The following ZNF518A variants were observed in gnomAD, a reference collection of about 807,000 sequenced individuals.
ZNF518A encodes the protein zinc finger protein 518.
Under a neutral mutation model 102.7 loss-of-function variants are expected in ZNF518A, and 47 were observed. The observed-to-expected ratio is 0.46, with a 90% confidence interval of 0.36 to 0.58. The LOEUF (loss-of-function observed/expected upper bound fraction) is 0.58, where lower values mean the gene tolerates loss of function less well. ZNF518A is among the 20% of genes least tolerant of loss of function. The pLI is 0.00. For synonymous variants in ZNF518A, 652 were observed against 594.6 expected, an observed-to-expected ratio of 1.10 and a Z score of -1.40; for missense variants, 1,793 against 1,699.8, an observed-to-expected ratio of 1.05 and a Z score of -0.96.
intron 1 of ZNF518A, among the ~76,000 whole-genome samples, chr10:96,180,956 C>T (rs2083236571): frequency 6.6e-6 from 1 of 152,206 alleles, no homozygotes; most frequent in African/African-American, 2.4e-5. Flanking sequence ...TTTACACTCC[C>T]ACCAACAGTG....
chr10:96,186,359 C>A (rs1479070923), intron 1 of ZNF518A, among the ~76,000 whole-genome samples: 4 of 152,164 alleles, frequency 2.6e-5, no homozygotes, highest in African/African-American at 9.7e-5. Context: ...AATGAACCAG[C>A]TTTTACAATT....
chr10:96,191,965 T>C (rs949259126), intron 1 of ZNF518A: 7 of 1,613,642 alleles, frequency 4.3e-6, no homozygotes, highest in Non-Finnish European at 5.1e-6. Flanking sequence ...GATCTTTTTT[T>C]TCCCCCTTTA....
intron 1 of ZNF518A, among the ~76,000 whole-genome samples, chr10:96,186,037 G>T (rs1554892528): frequency 1.3e-5 from 2 of 152,222 alleles, no homozygotes; most frequent in Non-Finnish European, 2.9e-5. Context: ...CCAGGCGCCG[G>T]ATATAATCTC....
In ZNF518A at chr10:96,162,281, A is replaced by G. The variant is rs2083029679; in HGVS notation, c.*1507A>G. On this transcript the variant is annotated 3_prime_UTR_variant, in exon 6 of 6. Transcript: ENST00000316045. ...AAACTGGTTGTTTAATTTAAAAGGA[A>G]TATATAAGACTTTACCCATGTTATT... 6.0e-6 allele frequency: 1 copy of G among 166,844 alleles called. No individual in the cohort carries two copies. Among genetic ancestry groups the G allele is most frequent in the African/African-American group, 2.4e-5 (1 of 41,456 alleles). 10.3% of individuals were successfully genotyped at this position (166,844 alleles called of 1,614,324 possible).
In ZNF518A at chr10:96,160,505, C is replaced by T. The variant is rs1365480100; in HGVS notation, c.4183C>T (p.Pro1395Ser). The T allele has an allele frequency of 6.2e-7, 1 of 1,612,764 alleles. No individual in the cohort carries two copies. The highest frequency in any genetic ancestry group is 1.1e-5 in the South Asian group (1 of 90,882). Residue 1395 changes from proline to serine, a missense_variant, in exon 6 of 6, where the codon CCT becomes TCT. Physicochemically the swap from Pro to Ser is moderately conservative, Grantham distance 74. This residue lies in a region of ZNF518A where 1,741 missense variants were observed against 1,622.6 expected (regional missense o/e 1.07). Transcript: ENST00000316045. Reference protein sequence around the residue: ...NALLKPVCYNPPKTTYDDFSK... With the variant: ...NALLKPVCYNSPKTTYDDFSK... ...TTTACTGAAACCAGTTTGTTATAACCCTCCTAAAACAACTTATGATGATTT... is the reference window on the plus strand; with the variant it reads ...TTTACTGAAACCAGTTTGTTATAACTCTCCTAAAACAACTTATGATGATTT...
chr10:96,183,235 C>T (rs1156777082), intron 1 of ZNF518A, among the ~76,000 whole-genome samples: 1 of 152,060 alleles, frequency 6.6e-6, no homozygotes. Context: ...TGCTAGTGTT[C>T]TATCAATTTT....
chr10:96,149,355 T>G (rs1298652370), intron 3 of ZNF518A, among the ~76,000 whole-genome samples: 6 of 152,190 alleles, frequency 3.9e-5, no homozygotes, highest in African/African-American at 1.4e-4. Flanking sequence ...GGTCGTTTAA[T>G]CCTCTTGGTT....
intron 1 of ZNF518A, among the ~76,000 whole-genome samples, chr10:96,174,236 G>A (rs1426363906): frequency 6.6e-6 from 1 of 151,734 alleles, no homozygotes; most frequent in African/African-American, 2.4e-5. Context: ...CAAATTAATA[G>A]CATAACTTTA....
Position 96,163,671 on chromosome 10 carries a change from C to G in ZNF518A, c.*2897C>G, listed in dbSNP as rs797029051. Reference sequence around the variant, plus strand: ...GTAGGCCTTCTAGTTTCTGTCCTAACTACTCAATTCTCATAATGCAGAAAA... The same window carrying G: ...GTAGGCCTTCTAGTTTCTGTCCTAAGTACTCAATTCTCATAATGCAGAAAA... On this transcript the variant is annotated 3_prime_UTR_variant, in exon 6 of 6. Transcript: ENST00000316045. 10 of 166,974 alleles carry G rather than the reference C, an allele frequency of 6.0e-5. No homozygotes were observed. Among genetic ancestry groups the G allele is most frequent in the African/African-American group, 2.4e-4 (10 of 41,494 alleles). The allele number at this position is 166,974 out of a possible 1,614,324, so 10.3% of individuals were successfully genotyped here. A position where few individuals can be genotyped will look rare whatever the true frequency, so the allele number is the denominator to read the frequency against.
chr10:96,156,084 A>G (rs1261118014), intron 5 of ZNF518A, 37 bp downstream of exon 5: 8 of 265,630 alleles, frequency 3.0e-5, no homozygotes, highest in African/African-American at 1.5e-4. Flanking sequence ...AGTCTTTTGT[A>G]TATTTAATTT....
At chr10:96,164,865 G>A (rs1378746677), downstream of ZNF518A, among the ~76,000 whole-genome samples, 2 of 152,128 alleles carry the variant, frequency 1.3e-5, no homozygotes, top group Non-Finnish European at 2.9e-5. Context: ...AAAAGTAAGG[G>A]TTATGTTTAT....
chr10:96,141,575 A>G (rs1554876504), intron 3 of ZNF518A, among the ~76,000 whole-genome samples: 2 of 152,156 alleles, frequency 1.3e-5, no homozygotes, highest in African/African-American at 2.4e-5. Context: ...CTGTATTTTA[A>G]TTTTTAATTT....
At chr10:96,185,113 T>C (rs1457323109) in intron 1 of ZNF518A, among the ~76,000 whole-genome samples, 5 of 152,250 alleles carry the variant, frequency 3.3e-5, no homozygotes, top group Non-Finnish European at 7.3e-5. Flanking sequence ...AGGCTGTTCA[T>C]GCATCACGTA....
At chr10:96,194,425 A>G (rs137881916) in intron 1 of ZNF518A, among the ~76,000 whole-genome samples, 135 of 152,322 alleles carry the variant, frequency 8.9e-4, no homozygotes, top group African/African-American at 3.0e-3. Flanking sequence ...GGGAAACACC[A>G]TGACACTGGA....
intron 3 of ZNF518A, among the ~76,000 whole-genome samples, chr10:96,144,161 T>C (rs1358522772): frequency 6.6e-6 from 1 of 152,154 alleles, no homozygotes; most frequent in Non-Finnish European, 1.5e-5. Context: ...AATTTTTGTA[T>C]TTTTTGTAGA....
Position 96,159,916 on chromosome 10 carries a change from T to A in ZNF518A, c.3594T>A (p.Asp1198Glu). ...GAGATGCCTTACCCTTCTTACTAGA[T>A]GACTTAATGCCAGCAAATGAAATTG... ...ESRDALPFLL[D>E]DLMPANEIVI... Residue 1198 changes from aspartate (D) to glutamate (E), a missense_variant, in exon 6 of 6, where the codon GAT becomes GAA. Transcript: ENST00000316045. 6.2e-7 allele frequency: 1 copy of A among 1,613,534 alleles called. No individual in the cohort carries two copies. The highest frequency in any genetic ancestry group is 1.1e-5 in the South Asian group (1 of 91,074).
At chr10:96,141,152 G>A (rs1190783492) in intron 3 of ZNF518A, among the ~76,000 whole-genome samples, 6 of 152,140 alleles carry the variant, frequency 3.9e-5, no homozygotes, top group Admixed American at 1.3e-4. Flanking sequence ...CCAGCCTTCT[G>A]GTTTTTGTGA....
At chr10:96,133,782 T>TC (rs1356792052) in intron 3 of ZNF518A, 134 bp downstream of exon 3, 4 of 152,240 alleles carry the variant, frequency 2.6e-5, no homozygotes, top group Non-Finnish European at 5.9e-5. Flanking sequence ...TCCCTGAACT[T>TC]CACCAGCAAA....
chr10:96,154,344 C>A (rs180941227), intron 3 of ZNF518A, among the ~76,000 whole-genome samples: 23 of 148,828 alleles, frequency 1.5e-4, no homozygotes, highest in African/African-American at 5.5e-4. Context: ...TCAATCTTTT[C>A]TTTCTTTCTC....
Sources: allele counts gnomAD v4.1 joint callset (sites outside exome capture counted in the v4.1 genomes callset), GRCh38; gene constraint gnomAD v4.1.1; regional missense constraint gnomAD v4.1.1; transcripts MANE v1.5; gene names NCBI Gene and HGNC (gene_info 2026-07-23, HGNC 2026-07-21).